CCDC149: variants seen among roughly 807,000 people sequenced by gnomAD.
The protein encoded by CCDC149 is coiled-coil domain containing 149, also known as coiled-coil domain-containing protein 149.
Under a neutral mutation model 59.9 loss-of-function variants are expected in CCDC149, and 45 were observed. That is an observed-to-expected ratio of 0.75 (90% CI 0.59 to 0.96). CCDC149 has a LOEUF of 0.96. CCDC149 is among the 40% of genes least tolerant of loss of function. The pLI, the probability that CCDC149 is intolerant of heterozygous loss-of-function variation, is 0.00. For missense variants in CCDC149, 584 were observed against 664.7 expected (o/e 0.88, Z 1.33); for synonymous variants, 245 against 260.6 (o/e 0.94, Z 0.58).
chr4:24,977,964 T>C (rs2109375165), intron 1 of CCDC149, among the ~76,000 whole-genome samples: 1 of 152,140 alleles, frequency 6.6e-6, no homozygotes, highest in East Asian at 1.9e-4. Context: ...CACAATCCCA[T>C]CTCTACAAAA....
chr4:24,845,582 T>A (rs1185288006), intron 4 of CCDC149, among the ~76,000 whole-genome samples: 1 of 152,210 alleles, frequency 6.6e-6, no homozygotes, highest in African/African-American at 2.4e-5. Flanking sequence ...AAACTGTGCA[T>A]CTTGGAATCT....
At chr4:24,874,248 T>A (rs1177239213) in intron 2 of CCDC149, among the ~76,000 whole-genome samples, 1 of 88,630 alleles carries the variant, frequency 1.1e-5, no homozygotes, top group Non-Finnish European at 2.1e-5. Flanking sequence ...AGATTTGTTT[T>A]TTTTTTTTTT....
At chr4:24,913,649 A>G (rs1722029099), upstream of CCDC149, among the ~76,000 whole-genome samples, 1 of 151,082 alleles carries the variant, frequency 6.6e-6, no homozygotes, top group African/African-American at 2.5e-5. Context: ...GGTGTCAAAG[A>G]CAAATTGGCA....
At chr4:24,803,683 T>C (rs1713987569), downstream of CCDC149, among the ~76,000 whole-genome samples, 1 of 152,226 alleles carries the variant, frequency 6.6e-6, no homozygotes, top group African/African-American at 2.4e-5. This position sits in a 1 kb window ranked among gnomAD's most constrained non-coding sequence, Gnocchi z 4.3. Context: ...AGCCAATTGT[T>C]TTAGATTTAA....
intron 1 of CCDC149, among the ~76,000 whole-genome samples, chr4:24,930,217 C>T (rs1293608138): frequency 1.3e-5 from 2 of 152,218 alleles, no homozygotes; most frequent in Non-Finnish European, 2.9e-5. Flanking sequence ...TTTCCTTTCC[C>T]CTCTGCCAGC....
intron 1 of CCDC149, among the ~76,000 whole-genome samples, chr4:24,963,896 T>C (rs1195936185): frequency 6.6e-6 from 1 of 152,190 alleles, no homozygotes; most frequent in Non-Finnish European, 1.5e-5. Context: ...GCACAGTGGC[T>C]CATGCCTATA....
At chr4:24,936,028 G>T in intron 1 of CCDC149, among the ~76,000 whole-genome samples, 1 of 152,280 alleles carries the variant, frequency 6.6e-6, no homozygotes, top group South Asian at 2.1e-4. Flanking sequence ...CAAGAAAGAG[G>T]CAATGCTCAC....
intron 1 of CCDC149, among the ~76,000 whole-genome samples, chr4:24,968,729 G>A (rs2109365810): frequency 6.6e-6 from 1 of 152,280 alleles, no homozygotes; most frequent in Non-Finnish European, 1.5e-5. Flanking sequence ...ATAGCCTATT[G>A]GGCAGTATGG....
intron 1 of CCDC149, among the ~76,000 whole-genome samples, chr4:24,964,440 A>G (rs73250660): frequency 0.15 from 23,487 of 152,058 alleles, 2,202 homozygotes; most frequent in South Asian, 0.26. Context: ...AAAAATCTGT[A>G]GAAAATTCCT....
chr4:24,884,316 T>C (rs573505978), intron 1 of CCDC149, among the ~76,000 whole-genome samples: 1 of 152,244 alleles, frequency 6.6e-6, no homozygotes, highest in African/African-American at 2.4e-5. Flanking sequence ...GCATATGCTG[T>C]ACAGGTTTGT....
At chr4:24,842,368 C>G (rs1255765428) in intron 4 of CCDC149, among the ~76,000 whole-genome samples, 1 of 152,118 alleles carries the variant, frequency 6.6e-6, no homozygotes, top group Non-Finnish European at 1.5e-5. Context: ...GCAGAGCTCC[C>G]GAGCCAACCT....
chr4:24,856,394 G>A (rs576444193), intron 3 of CCDC149, among the ~76,000 whole-genome samples: 20 of 152,276 alleles, frequency 1.3e-4, no homozygotes, highest in Admixed American at 1.3e-4. Context: ...TAATGAATCC[G>A]TGTGCTAGAT....
intron 3 of CCDC149, among the ~76,000 whole-genome samples, chr4:24,869,529 G>T (rs1326978279): frequency 2.0e-5 from 3 of 152,202 alleles, no homozygotes; most frequent in Non-Finnish European, 4.4e-5. Context: ...AACAAGGGCA[G>T]TGTGTCCTGT....
At chr4:24,951,243 G>A (rs1255013123) in intron 1 of CCDC149, among the ~76,000 whole-genome samples, 14 of 152,232 alleles carry the variant, frequency 9.2e-5, no homozygotes, top group Non-Finnish European at 1.8e-4. Context: ...AGCCTTCAGG[G>A]CAAGCTGCCC....
intron 1 of CCDC149, among the ~76,000 whole-genome samples, chr4:24,938,513 TA>T (rs1722847837): frequency 1.3e-5 from 2 of 152,108 alleles, no homozygotes; most frequent in African/African-American, 4.8e-5. Flanking sequence ...CCAACTGAGG[TA>T]CCGGGTTCAT....
intron 1 of CCDC149, among the ~76,000 whole-genome samples, chr4:24,899,958 C>T (rs1413494420): frequency 6.6e-6 from 1 of 152,178 alleles, no homozygotes; most frequent in Admixed American, 6.5e-5. Context: ...TTTGCCATCT[C>T]TATTCCTTCT....
chr4:24,880,474 G>A (rs1719772933), intron 1 of CCDC149, among the ~76,000 whole-genome samples: 2 of 152,208 alleles, frequency 1.3e-5, no homozygotes, highest in African/African-American at 2.4e-5. Context: ...TCTAGGAAGT[G>A]GGGAGAAGGG....
chr4:24,955,156 T>G (rs1040903914), intron 1 of CCDC149, among the ~76,000 whole-genome samples: 1 of 152,192 alleles, frequency 6.6e-6, no homozygotes, highest in African/African-American at 2.4e-5. Context: ...CCCTTGGTTC[T>G]GGAGACTGGG....
chr4:24,965,203 A>G (rs1374959793), intron 1 of CCDC149, among the ~76,000 whole-genome samples: 1 of 151,206 alleles, frequency 6.6e-6, no homozygotes, highest in Non-Finnish European at 1.5e-5. Context: ...AATTTCTTAA[A>G]TTATATTTGA....
Sources: gnomAD v4.1 joint callset for allele counts (sites outside exome capture counted in the v4.1 genomes callset) on GRCh38, gnomAD v4.1.1 for gene constraint, Gnocchi (gnomAD v3.1) non-coding constraint, MANE v1.5 for transcripts, NCBI Gene and HGNC (gene_info 2026-07-23, HGNC 2026-07-21) for gene names.